Variants in RAB31 observed in about 807,000 individuals in gnomAD.
RAB31 encodes ras-related protein Rab-31.
In RAB31, 21 loss-of-function variants were observed where a neutral mutation model predicts 25.6. That is an observed-to-expected ratio of 0.82 (90% CI 0.58 to 1.18). The LOEUF is 1.18. Ranked by LOEUF, RAB31 falls within the 50% of genes most tolerant of loss-of-function variation. The pLI is 0.00. For synonymous variants in RAB31, 87 were observed against 84.0 expected, an observed-to-expected ratio of 1.04 and a Z score of -0.20; for missense variants, 196 against 250.1, an observed-to-expected ratio of 0.78 and a Z score of 1.46.
At chr18:9,839,730 AAG>A (rs2068722980) in intron 5 of RAB31, among the ~76,000 whole-genome samples, 1 of 152,058 alleles carries the variant, frequency 6.6e-6, no homozygotes, top group Admixed American at 6.6e-5. Context: ...GTGGAAGAGA[AAG>A]GGTGGAGTCT....
chr18:9,766,557 T>C lies in RAB31; in HGVS notation c.40-8721T>C, dbSNP rs929156588. Reference sequence around the variant, plus strand: ...AACCATGCAGACTTCTGCCTGTTTCTCTCTTTATGTTATTTCTTTATGCCC... The same window carrying C: ...AACCATGCAGACTTCTGCCTGTTTCCCTCTTTATGTTATTTCTTTATGCCC... On this transcript the variant is annotated intron_variant, in intron 1 of 6. Coordinates refer to ENST00000578921, the MANE Select transcript of RAB31 (RefSeq NM_006868.4). This position sits in a 1 kb window ranked among gnomAD's most constrained non-coding sequence, Gnocchi z 4.3. Among the ~76,000 whole-genome samples, 3 of 152,196 alleles carry C rather than the reference T, an allele frequency of 2.0e-5. No homozygotes were observed. In the East Asian group the frequency reaches 5.8e-4, roughly 29 times the overall value.
chr18:9,819,884 A>C (rs1340159490), intron 5 of RAB31, among the ~76,000 whole-genome samples: 1 of 152,038 alleles, frequency 6.6e-6, no homozygotes, highest in Non-Finnish European at 1.5e-5. Flanking sequence ...GTAGAAATGC[A>C]ATTGACTTTA....
intron 1 of RAB31, among the ~76,000 whole-genome samples, chr18:9,725,707 C>G (rs1277189456): frequency 6.6e-6 from 1 of 152,124 alleles, no homozygotes; most frequent in African/African-American, 2.4e-5. Flanking sequence ...ATAATTTGAA[C>G]CAGGTTTGAA....
At chr18:9,828,343 T>C (rs1568189884) in intron 5 of RAB31, among the ~76,000 whole-genome samples, 1 of 152,116 alleles carries the variant, frequency 6.6e-6, no homozygotes, top group Non-Finnish European at 1.5e-5. Context: ...GGCCCCAGGC[T>C]CCTCCTTAAT....
At chr18:9,746,210 G>A (rs2068204964) in intron 1 of RAB31, among the ~76,000 whole-genome samples, 2 of 152,154 alleles carry the variant, frequency 1.3e-5, no homozygotes, top group African/African-American at 2.4e-5. Flanking sequence ...AACCAAAGAG[G>A]TGAAAAACAT....
At chr18:9,787,705 C>G (rs1034254429) in intron 2 of RAB31, 1 of 153,222 alleles carries the variant, frequency 6.5e-6, no homozygotes, top group African/African-American at 2.4e-5. Flanking sequence ...TATGGCAAAC[C>G]CTTCATCGTG....
At chr18:9,729,102 G>T (rs2068109435) in intron 1 of RAB31, among the ~76,000 whole-genome samples, 1 of 151,918 alleles carries the variant, frequency 6.6e-6, no homozygotes, top group East Asian at 1.9e-4. Context: ...TCAGTTTGTT[G>T]TTTCATGTTT....
chr18:9,838,796 G>C (rs1599061549), intron 5 of RAB31, among the ~76,000 whole-genome samples: 1 of 152,300 alleles, frequency 6.6e-6, no homozygotes, highest in East Asian at 1.9e-4. Flanking sequence ...CTGGGACTCA[G>C]AGGAGGCTCC....
At chr18:9,732,297 G>T (rs1344204459) in intron 1 of RAB31, among the ~76,000 whole-genome samples, 1 of 152,130 alleles carries the variant, frequency 6.6e-6, no homozygotes, top group East Asian at 1.9e-4. Context: ...TGGGGCAGGG[G>T]TTTCATCAGA....
intron 3 of RAB31, among the ~76,000 whole-genome samples, chr18:9,801,385 G>A (rs2068513173): frequency 6.6e-6 from 1 of 151,308 alleles, no homozygotes; most frequent in African/African-American, 2.4e-5. Flanking sequence ...GCTTTCAAGC[G>A]ATTCTCCTGC....
rs368733225 is a variant in RAB31, at chr18:9,752,444, C to T, written c.40-22834C>T. Among the ~76,000 whole-genome samples the T allele has an allele frequency of 3.9e-4, 60 of 152,210 alleles. No homozygotes were observed. The East Asian group carries it at 8.9e-3, about 23-fold the overall frequency. ...TTAGCCATGTTGGCCAGGCTGGTCT[C>T]GAACTTATGACCTCAGATGATCTGC... On this transcript the variant is annotated intron_variant, in intron 1 of 6. Transcript: ENST00000578921.
At chr18:9,856,712 A>G (rs2068817731) in intron 6 of RAB31, among the ~76,000 whole-genome samples, 1 of 152,224 alleles carries the variant, frequency 6.6e-6, no homozygotes, top group Non-Finnish European at 1.5e-5. Context: ...CATGAGAATT[A>G]TAGTACTGTC....
chr18:9,811,187 C>T (rs2068568650), intron 3 of RAB31, among the ~76,000 whole-genome samples: 1 of 152,232 alleles, frequency 6.6e-6, no homozygotes, highest in Admixed American at 6.5e-5. Context: ...TCGGCCACCG[C>T]ACAGTTCAGC....
intron 5 of RAB31, among the ~76,000 whole-genome samples, chr18:9,829,898 A>G (rs1009290684): frequency 1.6e-4 from 25 of 152,122 alleles, no homozygotes; most frequent in African/African-American, 5.8e-4. Flanking sequence ...ATTTAAAAAA[A>G]TATATACTTG....
chr18:9,745,513 A>G (rs2068201204), intron 1 of RAB31, among the ~76,000 whole-genome samples: 1 of 152,196 alleles, frequency 6.6e-6, no homozygotes, highest in Non-Finnish European at 1.5e-5. Flanking sequence ...TATCCCTTAC[A>G]ATATAGAAGC....
Position 9,857,693 on chromosome 18 carries a change from TAGATA to T in RAB31, c.491-1534_491-1530del, listed in dbSNP as rs1568198167. Among the ~76,000 whole-genome samples the T allele has an allele frequency of 1.3e-3, 171 of 135,010 alleles. 2 individuals are homozygous for T. Among genetic ancestry groups the T allele is most frequent in the African/African-American group, 4.0e-3 (138 of 34,748 alleles). The allele number at this position is 135,010 out of a possible 152,430, so 88.6% of individuals were successfully genotyped here. ...GATAGATAGATAGATAGATGATAGA[TAGATA>T]GATAGATAGATAGATAGATAGATAG... is the stretch of plus-strand genomic sequence containing the variant. On this transcript the variant is annotated intron_variant, in intron 6 of 6. Transcript: ENST00000578921.
chr18:9,755,787 G>A (rs2068257700), intron 1 of RAB31, among the ~76,000 whole-genome samples: 1 of 152,180 alleles, frequency 6.6e-6, no homozygotes, highest in Non-Finnish European at 1.5e-5. Flanking sequence ...AAAGATGCTA[G>A]CGTGCCTCAT....
At chr18:9,730,857 A>T (rs995353568) in intron 1 of RAB31, among the ~76,000 whole-genome samples, 1 of 152,044 alleles carries the variant, frequency 6.6e-6, no homozygotes. Context: ...ATGGTATGTG[A>T]TGAGTTTGGG....
At chr18:9,724,540 C>T (rs539898546) in intron 1 of RAB31, among the ~76,000 whole-genome samples, 18 of 152,086 alleles carry the variant, frequency 1.2e-4, no homozygotes, top group Non-Finnish European at 2.6e-4. Context: ...TAAAAATATC[C>T]GTGGGTGAAA....
Sources: allele counts gnomAD v4.1 joint callset (sites outside exome capture counted in the v4.1 genomes callset), GRCh38; gene constraint gnomAD v4.1.1; non-coding constraint Gnocchi (gnomAD v3.1); transcripts MANE v1.5; gene names NCBI Gene and HGNC (gene_info 2026-07-23, HGNC 2026-07-21).